COL5A1: variants seen among roughly 807,000 people sequenced by gnomAD.
COL5A1 encodes collagen type V alpha 1 chain, also known as collagen alpha-1(V) chain.
COL5A1 carries 16 observed loss-of-function variants against 263.7 expected under a neutral mutation model. That is an observed-to-expected ratio of 0.06 (90% CI 0.04 to 0.09). COL5A1 has a LOEUF of 0.09. COL5A1 is among the 10% of genes least tolerant of loss of function. The pLI, the probability that COL5A1 is intolerant of heterozygous loss-of-function variation, is 1.00. For missense variants in COL5A1, 2,036 were observed against 2,540.5 expected (o/e 0.80, Z 4.27); for synonymous variants, 1,012 against 1,004.5 (o/e 1.01, Z -0.14).
At chr9:134,759,212 GCACA>G (rs543344312) in intron 18 of COL5A1, among the ~76,000 whole-genome samples, 1 of 146,344 alleles carries the variant, frequency 6.8e-6, no homozygotes, top group Non-Finnish European at 1.5e-5. Context: ...CACCCCCCAT[GCACA>G]CACACACCCA....
chr9:134,792,043 G>T (rs1031921003), intron 32 of COL5A1, among the ~76,000 whole-genome samples: 2 of 152,216 alleles, frequency 1.3e-5, no homozygotes, highest in East Asian at 3.9e-4. Flanking sequence ...CTGCAGGAGG[G>T]ACAGAAGTGG....
intron 1 of COL5A1, among the ~76,000 whole-genome samples, chr9:134,665,439 A>G (rs1012241108): frequency 1.3e-5 from 2 of 152,248 alleles, no homozygotes; most frequent in African/African-American, 2.4e-5. Flanking sequence ...AGCAAAGCAG[A>G]ATGAAGAATG....
chr9:134,804,320 A>C (rs1261579971), intron 39 of COL5A1, among the ~76,000 whole-genome samples: 1 of 152,218 alleles, frequency 6.6e-6, no homozygotes, highest in Non-Finnish European at 1.5e-5. Flanking sequence ...ACATTTTGGA[A>C]GATATCAAAG....
intron 1 of COL5A1, among the ~76,000 whole-genome samples, chr9:134,645,122 C>T (rs936627013): frequency 3.3e-5 from 5 of 152,194 alleles, no homozygotes; most frequent in Admixed American, 6.5e-5. Context: ...CCCAGCAGTG[C>T]GGCAGCCCCA....
At chr9:134,779,454 T>C (rs1837175571) in intron 27 of COL5A1, among the ~76,000 whole-genome samples, 1 of 152,208 alleles carries the variant, frequency 6.6e-6, no homozygotes, top group Non-Finnish European at 1.5e-5. Context: ...TCATCATTCA[T>C]TAGTAATATC....
chr9:134,767,030 C>G lies in COL5A1; in HGVS notation c.2164C>G (p.Gln722Glu). The change falls in exon 23 of 66, where the codon CAG becomes GAG. Residue 722 changes from glutamine to glutamate, a missense_variant. This residue lies in a region of COL5A1 where 1,078 missense variants were observed against 1,521.4 expected (regional missense o/e 0.71). Coordinates refer to ENST00000371817, the MANE Select transcript of COL5A1 (RefSeq NM_000093.5). ...GPQGEPGPPG[Q>E]QGNPGAQGLP... ...CCAGGGAGAGCCTGGCCCCCCAGGA[C>G]AGCAGGGTAATCCAGGCGCCCAGGT... The G allele has an allele frequency of 6.2e-7, 1 of 1,613,700 alleles. No homozygotes were observed. The highest frequency in any genetic ancestry group is 8.5e-7 in the Non-Finnish European group (1 of 1,179,952).
chr9:134,713,664 A>G (rs1369955748), intron 4 of COL5A1, among the ~76,000 whole-genome samples: 1 of 152,218 alleles, frequency 6.6e-6, no homozygotes, highest in African/African-American at 2.4e-5. Flanking sequence ...TATGAAAAAA[A>G]CTTAGGGGTT....
chr9:134,732,265 C>T (rs941861683), intron 9 of COL5A1, 138 bp downstream of exon 9: 5 of 838,692 alleles, frequency 6.0e-6, no homozygotes, highest in East Asian at 5.0e-5. Flanking sequence ...CACCTGGTCT[C>T]GTGGAGTCCA....
intron 4 of COL5A1, among the ~76,000 whole-genome samples, chr9:134,720,579 C>T (rs1445911135): frequency 2.0e-5 from 3 of 152,166 alleles, no homozygotes; most frequent in Admixed American, 1.3e-4. Flanking sequence ...GAGTGGCTGC[C>T]GGAAGCCCTG....
At chr9:134,814,933 C>T (rs1206111795) in intron 50 of COL5A1, 29 bp downstream of exon 50, 1 of 1,493,320 alleles carries the variant, frequency 6.7e-7, no homozygotes. Flanking sequence ...CCTCAGGGGC[C>T]CTGCAGCAGG....
intron 39 of COL5A1, among the ~76,000 whole-genome samples, chr9:134,803,970 G>A (rs1838204224): frequency 6.6e-6 from 1 of 152,086 alleles, no homozygotes; most frequent in Non-Finnish European, 1.5e-5. Context: ...CTCCTCCCCT[G>A]GGCGCCCCAG....
Position 134,815,915 on chromosome 9 carries a change from G to T in COL5A1, c.4069-20G>T. The T allele has an allele frequency of 1.2e-6, 2 of 1,614,122 alleles. No homozygotes were observed. Among genetic ancestry groups the T allele is most frequent in the Non-Finnish European group, 1.7e-6 (2 of 1,179,990 alleles). Reference sequence around the variant, plus strand: ...GGTGCCATCCGGGGTTCAGCAAGGAGCTCGCTTTTGCCTCCATAGGGTCAA... The same window carrying T: ...GGTGCCATCCGGGGTTCAGCAAGGATCTCGCTTTTGCCTCCATAGGGTCAA... On this transcript the variant is annotated intron_variant, in intron 51 of 65. Coordinates refer to ENST00000371817, the MANE Select transcript of COL5A1 (RefSeq NM_000093.5).
intron 27 of COL5A1, among the ~76,000 whole-genome samples, chr9:134,777,560 C>T (rs1344128178): frequency 1.3e-5 from 2 of 152,202 alleles, no homozygotes; most frequent in African/African-American, 2.4e-5. Context: ...ACTGTAGGAC[C>T]GGGAGGGGTC....
rs1002585198 is a variant in COL5A1, at chr9:134,818,438, C to G, written c.4231-218C>G. Among the ~76,000 whole-genome samples, 1 of 152,174 alleles carries G rather than the reference C, an allele frequency of 6.6e-6. No homozygotes were observed. Among genetic ancestry groups the G allele is most frequent in the Non-Finnish European group, 1.5e-5 (1 of 68,026 alleles). ...CCCGGTCTGTGGTCGGCGCAGTCAG[C>G]GGAGACGGGATCCCTGCTGGCCTGG... On this transcript the variant is annotated intron_variant, in intron 54 of 65. Coordinates refer to ENST00000371817, the MANE Select transcript of COL5A1 (RefSeq NM_000093.5). The surrounding 1 kb of genome is among the most constrained non-coding windows in gnomAD (Gnocchi z 6.0).
chr9:134,752,271 G>C (rs1835808477), intron 13 of COL5A1, among the ~76,000 whole-genome samples: 2 of 150,530 alleles, frequency 1.3e-5, no homozygotes, highest in South Asian at 4.1e-4. Flanking sequence ...CAAGGGTGAT[G>C]GGCTGGGAGC....
chr9:134,795,013 G>GA, intron 32 of COL5A1, 69 bp from the exon 33 acceptor site: 1 of 1,548,436 alleles, frequency 6.5e-7, no homozygotes, highest in Non-Finnish European at 8.9e-7. Context: ...AATAACCCGG[G>GA]AGACAGCTGC....
intron 4 of COL5A1, among the ~76,000 whole-genome samples, chr9:134,705,336 A>T (rs1833803245): frequency 6.6e-6 from 1 of 152,210 alleles, no homozygotes; most frequent in Non-Finnish European, 1.5e-5. Flanking sequence ...GCGGAGCCTG[A>T]GTGTGTGGCT....
intron 4 of COL5A1, among the ~76,000 whole-genome samples, chr9:134,713,461 T>A (rs1834139836): frequency 1.3e-5 from 2 of 152,208 alleles, no homozygotes; most frequent in African/African-American, 4.8e-5. Context: ...TCTGTCACTG[T>A]CCCATCACAG....
chr9:134,701,325 G>A lies in COL5A1; in HGVS notation c.646G>A (p.Val216Met). 1 of 1,613,668 alleles carries A rather than the reference G, an allele frequency of 6.2e-7. No homozygotes were observed. Among genetic ancestry groups the A allele is most frequent in the Non-Finnish European group, 8.5e-7 (1 of 1,179,936 alleles). Reference sequence around the variant, plus strand: ...TGGCACCCGGATCCTGGATGAGGAGGTGTTTGAGGTGAGCAGGAGGGCAGA... The same window carrying A: ...TGGCACCCGGATCCTGGATGAGGAGATGTTTGAGGTGAGCAGGAGGGCAGA... ...VFGTRILDEEVFEGDIQQLLF... is the reference protein window; with the variant it reads ...VFGTRILDEEMFEGDIQQLLF... The change falls in exon 4 of 66, where the codon GTG (valine) becomes ATG (methionine). Residue 216 changes from valine to methionine, a missense_variant. Val to Met is a conservative substitution (Grantham distance 21). Coordinates refer to ENST00000371817, the MANE Select transcript of COL5A1 (RefSeq NM_000093.5).
Sources: allele counts gnomAD v4.1 joint callset (sites outside exome capture counted in the v4.1 genomes callset), GRCh38; gene constraint gnomAD v4.1.1; regional missense constraint gnomAD v4.1.1; non-coding constraint Gnocchi (gnomAD v3.1); transcripts MANE v1.5; gene names NCBI Gene and HGNC (gene_info 2026-07-23, HGNC 2026-07-21).